The following PTPRN2 variants were observed in gnomAD, a reference collection of about 807,000 sequenced individuals.
PTPRN2 encodes the protein protein tyrosine phosphatase receptor type N2, also known as receptor-type tyrosine-protein phosphatase N2.
In PTPRN2, 74 loss-of-function variants were observed where a neutral mutation model predicts 118.8. That is an observed-to-expected ratio of 0.62 (90% CI 0.52 to 0.76). PTPRN2 has a LOEUF of 0.76. PTPRN2 is among the 30% of genes least tolerant of loss of function. The pLI is 0.00. For synonymous variants in PTPRN2, 641 were observed against 608.0 expected, an observed-to-expected ratio of 1.05 and a Z score of -0.80; for missense variants, 1,481 against 1,394.4, an observed-to-expected ratio of 1.06 and a Z score of -0.99.
intron 9 of PTPRN2, among the ~76,000 whole-genome samples, chr7:158,131,947 A>G (rs1170044608): frequency 6.6e-6 from 1 of 152,024 alleles, no homozygotes; most frequent in East Asian, 1.9e-4. Context: ...ATACACACAC[A>G]TGCAAATACG....
chr7:158,472,618 C>G (rs1364346322), intron 2 of PTPRN2, among the ~76,000 whole-genome samples: 2 of 152,230 alleles, frequency 1.3e-5, no homozygotes, highest in African/African-American at 4.8e-5. Context: ...GCTTTGCACA[C>G]AGACTCAGAC....
chr7:157,713,917 C>T (rs530328599), intron 12 of PTPRN2, among the ~76,000 whole-genome samples: 13 of 152,302 alleles, frequency 8.5e-5, no homozygotes, highest in South Asian at 2.1e-4. Context: ...CTCCCCTTCA[C>T]GAAGGAGCGG....
At chr7:157,996,316 C>T (rs1413430149) in intron 11 of PTPRN2, among the ~76,000 whole-genome samples, 1 of 152,220 alleles carries the variant, frequency 6.6e-6, no homozygotes, top group Non-Finnish European at 1.5e-5. Flanking sequence ...ATTCGCCGCT[C>T]GGGCCCATCT....
At chr7:157,592,976 G>A (rs1801081011) in intron 17 of PTPRN2, among the ~76,000 whole-genome samples, 1 of 138,948 alleles carries the variant, frequency 7.2e-6, no homozygotes, top group Non-Finnish European at 1.5e-5. Context: ...CATCATCGTG[G>A]TCATTGAGTG....
At position 158,558,686 on chromosome 7, in the gene PTPRN2, G is replaced by A. The variant is rs139455302; in HGVS notation, c.112+28872C>T. ...TCTCCATAATTTGGCACAGAGAGGAGCAGGATTCTCCTCAGTATTCACGCC... is the reference window on the plus strand; with the variant it reads ...TCTCCATAATTTGGCACAGAGAGGAACAGGATTCTCCTCAGTATTCACGCC... On this transcript the variant is annotated intron_variant, in intron 1 of 22. Transcript: ENST00000389418. 3.6e-3 allele frequency among the ~76,000 whole-genome samples: 549 copies of A among 150,534 alleles called. 5 individuals are homozygous for A. The highest frequency in any genetic ancestry group is 8.9e-3 in the African/African-American group (363 of 40,792).
At chr7:157,564,180 G>A (rs748116743) in intron 21 of PTPRN2, among the ~76,000 whole-genome samples, 14 of 152,222 alleles carry the variant, frequency 9.2e-5, no homozygotes, top group Non-Finnish European at 1.5e-4. Context: ...TGCCCAGGCT[G>A]GAGCGCAATG....
chr7:157,770,083 C>G (rs1327895704), intron 12 of PTPRN2, among the ~76,000 whole-genome samples: 2 of 152,236 alleles, frequency 1.3e-5, no homozygotes, highest in Non-Finnish European at 2.9e-5. Flanking sequence ...ACTTTCACTT[C>G]CCGCTGCCAC....
intron 11 of PTPRN2, among the ~76,000 whole-genome samples, chr7:158,021,044 A>G (rs1329195906): frequency 6.6e-6 from 1 of 152,162 alleles, no homozygotes; most frequent in Non-Finnish European, 1.5e-5. Context: ...CTATACTTAA[A>G]ATTCTTAAAG....
chr7:158,155,748 C>CACCATCACCATCATCGCCATCATTACCAT (rs1821751420), intron 6 of PTPRN2, among the ~76,000 whole-genome samples: 1 of 18,650 alleles, frequency 5.4e-5, no homozygotes, highest in African/African-American at 1.2e-4. Context: ...ACCATCATCA[C>CACCATCACCATCATCGCCATCATTACCAT]CATCACCATC....
At chr7:158,152,176 A>AAAAAAAAC in intron 6 of PTPRN2, among the ~76,000 whole-genome samples, 1 of 150,096 alleles carries the variant, frequency 6.7e-6, no homozygotes. Context: ...TCTGTCTCAA[A>AAAAAAAAC]AAAAAAAAAA....
At chr7:157,945,372 C>T (rs926423672) in intron 11 of PTPRN2, among the ~76,000 whole-genome samples, 1 of 152,116 alleles carries the variant, frequency 6.6e-6, no homozygotes. Flanking sequence ...TCCCGAAGAC[C>T]CCCCGCCTGC....
At chr7:158,442,056 T>C (rs1421654006) in intron 2 of PTPRN2, among the ~76,000 whole-genome samples, 1 of 150,814 alleles carries the variant, frequency 6.6e-6, no homozygotes, top group South Asian at 2.1e-4. Flanking sequence ...GTGGTGGTGA[T>C]GGTGATGGCA....
At chr7:157,847,478 G>A (rs1224018348) in intron 12 of PTPRN2, among the ~76,000 whole-genome samples, 53 of 145,256 alleles carry the variant, frequency 3.6e-4, no homozygotes, top group Non-Finnish European at 5.1e-4. Context: ...ATGCGTGCCC[G>A]ATGTCTACAG....
At chr7:158,225,227 C>T (rs1778541948) in intron 3 of PTPRN2, among the ~76,000 whole-genome samples, 1 of 151,910 alleles carries the variant, frequency 6.6e-6, no homozygotes, top group South Asian at 2.1e-4. Flanking sequence ...AACCCCTGAC[C>T]ATTCATCCCA....
chr7:158,507,692 C>T (rs1251072280), intron 1 of PTPRN2, among the ~76,000 whole-genome samples: 9 of 147,352 alleles, frequency 6.1e-5, no homozygotes, highest in African/African-American at 1.0e-4. Flanking sequence ...CTGCGCTGGG[C>T]GGGAAATCAC....
Position 157,591,915 on chromosome 7 carries a change from C to T in PTPRN2, c.2496+3323G>A, listed in dbSNP as rs955899406. Among the ~76,000 whole-genome samples the T allele has an allele frequency of 8.5e-5, 13 of 152,094 alleles. No homozygotes were observed. Among genetic ancestry groups the T allele is most frequent in the African/African-American group, 2.9e-4 (12 of 41,408 alleles). On this transcript the variant is annotated intron_variant, in intron 17 of 22. Transcript: ENST00000389418. The surrounding 1 kb of genome is among the most constrained non-coding windows in gnomAD (Gnocchi z 4.4). Reference sequence around the variant, plus strand: ...GACGTCTGCAGGGAGCAAAATGAAGCGAGTTTCTTTAGTTCACAATTTCTC... The same window carrying T: ...GACGTCTGCAGGGAGCAAAATGAAGTGAGTTTCTTTAGTTCACAATTTCTC...
intron 1 of PTPRN2, among the ~76,000 whole-genome samples, chr7:158,514,746 G>C (rs539380213): frequency 6.6e-6 from 1 of 152,334 alleles, no homozygotes; most frequent in African/African-American, 2.4e-5. Flanking sequence ...TCATTTGGAA[G>C]ATATTTATGA....
chr7:158,146,795 G>A lies in PTPRN2; in HGVS notation c.911-8280C>T, dbSNP rs563116338. Among the ~76,000 whole-genome samples the A allele has an allele frequency of 7.9e-5, 12 of 151,738 alleles. No individual in the cohort carries two copies. The South Asian group carries it at 2.3e-3, about 29-fold the overall frequency. On this transcript the variant is annotated intron_variant, in intron 6 of 22. Transcript: ENST00000389418. ...TCATTTTCTTGAGGGCTACAACATT[G>A]TTCTCACACCAGCACAGACACACTA... is the stretch of plus-strand genomic sequence containing the variant.
Position 157,721,726 on chromosome 7 carries a change from A to G in PTPRN2, c.1789-38789T>C, listed in dbSNP as rs111529626. On this transcript the variant is annotated intron_variant, in intron 12 of 22. Coordinates refer to ENST00000389418, the MANE Select transcript of PTPRN2 (RefSeq NM_002847.5). ...GGTTTCCTCACAGATGTTTGGGGAG[A>G]GGCTGAGAGGACCTGCCTGCCCTGG... 5.2e-3 allele frequency among the ~76,000 whole-genome samples: 789 copies of G among 152,152 alleles called. 4 individuals are homozygous for G. The highest frequency in any genetic ancestry group is 0.018 in the African/African-American group (734 of 41,508).
Sources: allele counts gnomAD v4.1 joint callset (sites outside exome capture counted in the v4.1 genomes callset), GRCh38; gene constraint gnomAD v4.1.1; non-coding constraint Gnocchi (gnomAD v3.1); transcripts MANE v1.5; gene names NCBI Gene and HGNC (gene_info 2026-07-23, HGNC 2026-07-21).